Variants in ATP9B observed in about 807,000 individuals in gnomAD.
ATP9B encodes the protein probable phospholipid-transporting ATPase IIB.
Under a neutral mutation model 146.1 loss-of-function variants are expected in ATP9B, and 110 were observed. The observed-to-expected ratio is 0.75, with a 90% CI of 0.65 to 0.88. The LOEUF (loss-of-function observed/expected upper bound fraction) is 0.88. Ranked by LOEUF, ATP9B falls within the 40% of genes least tolerant of loss-of-function variation. ATP9B has a pLI of 0.00. For synonymous variants in ATP9B, 604 were observed against 569.7 expected (o/e 1.06, Z -0.86); for missense variants, 1,499 against 1,496.4 (o/e 1.00, Z -0.03).
intron 9 of ATP9B, among the ~76,000 whole-genome samples, chr18:79,205,046 G>C (rs1010147525): frequency 2.0e-5 from 3 of 152,144 alleles, no homozygotes; most frequent in Admixed American, 1.3e-4. Context: ...GTGAAGGGAC[G>C]TGGTGGAAGG....
rs1464975205 is a variant in ATP9B, at chr18:79,377,315, C to T, written c.3376C>T (p.Pro1126Ser). Residue 1126 changes from proline to serine, a missense_variant, in exon 30 of 30, where the codon CCG becomes TCG. Transcript: ENST00000426216. ...VSAITVVSCLPLYVLKYLRRK... is the reference protein window; with the variant it reads ...VSAITVVSCLSLYVLKYLRRK... ...GGCGATCACCGTGGTCAGCTGCCTC[C>T]CGCTGTATGTCCTCAAGTACCTGAG... The T allele has an allele frequency of 1.2e-6, 2 of 1,612,436 alleles. No homozygotes were observed. The highest frequency in any genetic ancestry group is 2.7e-5 in the African/African-American group (2 of 75,060).
At chr18:79,234,500 C>T (rs1044255973) in intron 11 of ATP9B, among the ~76,000 whole-genome samples, 6 of 152,214 alleles carry the variant, frequency 3.9e-5, no homozygotes, top group Non-Finnish European at 8.8e-5. Flanking sequence ...CTTCTTCCTG[C>T]GTGTTCTGCA....
intron 15 of ATP9B, among the ~76,000 whole-genome samples, chr18:79,322,002 A>T (rs1433621218): frequency 6.6e-6 from 1 of 152,206 alleles, no homozygotes; most frequent in African/African-American, 2.4e-5. Context: ...TATTGGAGGA[A>T]GCAATGGTAG....
At chr18:79,078,641 C>T (rs1476889989) in intron 1 of ATP9B, among the ~76,000 whole-genome samples, 2 of 151,156 alleles carry the variant, frequency 1.3e-5, no homozygotes, top group Non-Finnish European at 2.9e-5. Context: ...TACAAGTTAC[C>T]CCACTTAAAG....
intron 20 of ATP9B, 23 bp downstream of exon 20, chr18:79,342,389 T>C (rs763395042): frequency 4.0e-5 from 61 of 1,535,246 alleles, no homozygotes; most frequent in Non-Finnish European, 5.3e-5. Context: ...CTTAATCACT[T>C]TGAATTTTTA....
intron 11 of ATP9B, among the ~76,000 whole-genome samples, chr18:79,244,223 G>A (rs1416704608): frequency 6.6e-6 from 1 of 151,936 alleles, no homozygotes; most frequent in East Asian, 1.9e-4. Context: ...GGAGGGCTAG[G>A]CTGGTGCCTG....
At chr18:79,366,669 G>A (rs2097031265) in intron 26 of ATP9B, among the ~76,000 whole-genome samples, 1 of 152,210 alleles carries the variant, frequency 6.6e-6, no homozygotes, top group Non-Finnish European at 1.5e-5. Context: ...CACAGTCCTA[G>A]GCCATACACC....
At chr18:79,069,647 C>T in intron 1 of ATP9B, 118 bp downstream of exon 1, 1 of 622,054 alleles carries the variant, frequency 1.6e-6, no homozygotes, top group Non-Finnish European at 2.3e-6. Context: ...CATCTGTTCG[C>T]TGGGAGCCGG....
intron 29 of ATP9B, chr18:79,376,525 G>T (rs2097104343): frequency 6.0e-6 from 3 of 500,740 alleles, no homozygotes; most frequent in Non-Finnish European, 7.7e-6. Context: ...GAGTAGCTGG[G>T]ATTACAGGTG....
At chr18:79,200,895 G>A (rs1417475079) in intron 9 of ATP9B, among the ~76,000 whole-genome samples, 3 of 151,894 alleles carry the variant, frequency 2.0e-5, no homozygotes, top group African/African-American at 7.3e-5. Context: ...ACCCTTTTAG[G>A]AGCTGGTGCT....
intron 7 of ATP9B, among the ~76,000 whole-genome samples, chr18:79,166,380 C>T (rs1338596015): frequency 6.6e-6 from 1 of 152,108 alleles, no homozygotes; most frequent in African/African-American, 2.4e-5. Context: ...GAGATAACAG[C>T]CCTGCATGAT....
intron 5 of ATP9B, among the ~76,000 whole-genome samples, chr18:79,130,630 G>A (rs761064222): frequency 6.6e-6 from 1 of 151,912 alleles, no homozygotes; most frequent in Admixed American, 6.6e-5. Flanking sequence ...AGGATAATAC[G>A]AGAAAAATCC....
intron 2 of ATP9B, among the ~76,000 whole-genome samples, chr18:79,107,156 A>G (rs573703463): frequency 6.6e-6 from 1 of 152,190 alleles, no homozygotes; most frequent in African/African-American, 2.4e-5. Context: ...AAATGTGCTC[A>G]TATGAAGCCT....
Position 79,127,712 on chromosome 18 carries a change from T to G in ATP9B, c.667+1337T>G, listed in dbSNP as rs144780734. Reference sequence around the variant, plus strand: ...TGTGTGAATATTGTTTTCATTTATCTTGGATACATACCTAGGAGTGAGATT... The same window carrying G: ...TGTGTGAATATTGTTTTCATTTATCGTGGATACATACCTAGGAGTGAGATT... On this transcript the variant is annotated intron_variant, in intron 5 of 29. Transcript: ENST00000426216. 3.8e-3 allele frequency among the ~76,000 whole-genome samples: 582 copies of G among 152,330 alleles called. 3 individuals are homozygous for G. Among genetic ancestry groups the G allele is most frequent in the South Asian group, 0.025 (119 of 4,830 alleles).
chr18:79,342,818 A>G lies in ATP9B; in HGVS notation c.2382+452A>G, dbSNP rs566535263. 2.0e-5 allele frequency among the ~76,000 whole-genome samples: 3 copies of G among 152,360 alleles called. No individual in the cohort carries two copies. The East Asian group carries it at 5.8e-4, about 29-fold the overall frequency. On this transcript the variant is annotated intron_variant, in intron 20 of 29. Coordinates refer to ENST00000426216, the MANE Select transcript of ATP9B (RefSeq NM_198531.5). ...TTGATTAAAAAAATTACATTTTTCT[A>G]CAAGTTATACGTGTTACATGTTGTC...
At chr18:79,276,986 C>A in intron 12 of ATP9B, 68 bp from the exon 13 acceptor site, 1 of 1,561,010 alleles carries the variant, frequency 6.4e-7, no homozygotes, top group Non-Finnish European at 8.8e-7. Context: ...TTTTATCTGG[C>A]AGTTTGGGTG....
At chr18:79,215,051 G>A (rs756705431) in intron 11 of ATP9B, among the ~76,000 whole-genome samples, 12 of 151,618 alleles carry the variant, frequency 7.9e-5, no homozygotes, top group Non-Finnish European at 1.3e-4. Flanking sequence ...AGGAGGCTGA[G>A]GCAGGAGGAT....
intron 13 of ATP9B, among the ~76,000 whole-genome samples, chr18:79,301,959 G>A (rs2096593371): frequency 6.6e-6 from 1 of 152,168 alleles, no homozygotes; most frequent in African/African-American, 2.4e-5. Context: ...CTGACCTCTT[G>A]AGTTCTGATC....
At chr18:79,306,960 A>C in intron 14 of ATP9B, 26 bp from the exon 15 acceptor site, 1 of 1,612,034 alleles carries the variant, frequency 6.2e-7, no homozygotes, top group South Asian at 1.1e-5. Context: ...TCTATCTTTA[A>C]TTATGTGACG....
Sources: allele counts gnomAD v4.1 joint callset (sites outside exome capture counted in the v4.1 genomes callset), GRCh38; gene constraint gnomAD v4.1.1; transcripts MANE v1.5; gene names NCBI Gene and HGNC (gene_info 2026-07-23, HGNC 2026-07-21).